CACNG2: variants seen among roughly 807,000 people sequenced by gnomAD.
The protein encoded by CACNG2 is voltage-dependent calcium channel gamma-2 subunit.
CACNG2 carries 3 observed loss-of-function variants against 25.9 expected under a neutral mutation model. The ratio of observed to expected loss-of-function variants is 0.12; its 90% CI spans 0.05 to 0.30. The LOEUF (loss-of-function observed/expected upper bound fraction) is 0.30. Ranked by LOEUF, CACNG2 falls within the 10% of genes least tolerant of loss-of-function variation. The probability of loss-of-function intolerance (pLI) is 1.00; values close to 1 mark genes in which losing one functional copy is unlikely to be tolerated. For missense variants in CACNG2, 341 were observed against 432.5 expected, an observed-to-expected ratio of 0.79 and a Z score of 1.88; for synonymous variants, 167 against 173.3, an observed-to-expected ratio of 0.96 and a Z score of 0.29.
chr22:36,620,145 C>G (rs1235429299), intron 1 of CACNG2, among the ~76,000 whole-genome samples: 1 of 152,238 alleles, frequency 6.6e-6, no homozygotes, highest in South Asian at 2.1e-4. Context: ...CTAATAGACT[C>G]TAGGAAATCC....
intron 2 of CACNG2, among the ~76,000 whole-genome samples, chr22:36,570,854 G>A (rs1935214122): frequency 6.6e-6 from 1 of 151,986 alleles, no homozygotes; most frequent in Admixed American, 6.6e-5. Context: ...AGATCCAGGT[G>A]GGAAGGAAGC....
At chr22:36,625,987 T>G (rs1220205439) in intron 1 of CACNG2, among the ~76,000 whole-genome samples, 1 of 152,168 alleles carries the variant, frequency 6.6e-6, no homozygotes, top group Non-Finnish European at 1.5e-5. Context: ...TGGCGAAATC[T>G]CGGCTCACTG....
At chr22:36,602,574 C>CG (rs371606313) in intron 1 of CACNG2, among the ~76,000 whole-genome samples, 8,273 of 152,052 alleles carry the variant, frequency 0.054, 619 homozygotes, top group African/African-American at 0.17. Flanking sequence ...TTAGTAGAGA[C>CG]GGGGTTTCGC....
rs1935080681 is a variant in CACNG2, at chr22:36,564,185, C to T, written c.*166G>A. 1 of 534,294 alleles carries T rather than the reference C, an allele frequency of 1.9e-6. No individual in the cohort carries two copies. Among genetic ancestry groups the T allele is most frequent in the Non-Finnish European group, 3.1e-6 (1 of 317,524 alleles). The allele number at this position is 534,294 out of a possible 1,614,324, so 33.1% of individuals were successfully genotyped here. A position where few individuals can be genotyped will look rare whatever the true frequency, so the allele number is the denominator to read the frequency against. On this transcript the variant is annotated 3_prime_UTR_variant, in exon 4 of 4. Transcript: ENST00000300105. The surrounding 1 kb of genome is among the most constrained non-coding windows in gnomAD (Gnocchi z 6.7). ...AAAATTTACTTGTTATGTTTTTTCTCTTTTTTTGTGTGTGTGTGTTTTTTT... is the reference window on the plus strand; with the variant it reads ...AAAATTTACTTGTTATGTTTTTTCTTTTTTTTTGTGTGTGTGTGTTTTTTT...
At chr22:36,572,522 C>G (rs936093838) in intron 2 of CACNG2, among the ~76,000 whole-genome samples, 1 of 151,974 alleles carries the variant, frequency 6.6e-6, no homozygotes, top group Non-Finnish European at 1.5e-5. Flanking sequence ...GCCAATATGG[C>G]GAAACCCCAT....
intron 1 of CACNG2, among the ~76,000 whole-genome samples, chr22:36,698,333 G>T (rs1450065209): frequency 6.6e-6 from 1 of 152,168 alleles, no homozygotes. Context: ...CCTAAAGAAA[G>T]TCAAATTATC....
chr22:36,655,811 CTT>C (rs376906326), intron 1 of CACNG2, among the ~76,000 whole-genome samples: 16 of 110,506 alleles, frequency 1.4e-4, no homozygotes, highest in Admixed American at 1.9e-4. Flanking sequence ...TTCTTTCTTT[CTT>C]TTTTTTTTTT....
intron 1 of CACNG2, among the ~76,000 whole-genome samples, chr22:36,657,322 A>T (rs185909700): frequency 1.3e-5 from 2 of 152,326 alleles, no homozygotes; most frequent in East Asian, 3.9e-4. Flanking sequence ...CAGTTCCACA[A>T]TGGATAGAAA....
rs564405205 is a variant in CACNG2 at position 36,572,423 on chromosome 22, T to G, written c.296-5930A>C. On this transcript the variant is annotated intron_variant, in intron 2 of 3. Transcript: ENST00000300105. ...ACAATATGTAAACAAATGAACGTGG[T>G]TGTCTTCCAATAAAACTTTATTTAC... is the stretch of plus-strand genomic sequence containing the variant. Among the ~76,000 whole-genome samples, 35 of 152,308 alleles carry G rather than the reference T, an allele frequency of 2.3e-4. No homozygotes were observed. The South Asian group carries it at 2.7e-3, about 12-fold the overall frequency.
In CACNG2 at chr22:36,702,744, G is replaced by T. The variant is rs1783974617; in HGVS notation, c.-168C>A. 2 of 587,606 alleles carry T rather than the reference G, an allele frequency of 3.4e-6. No individual in the cohort carries two copies. The highest frequency in any genetic ancestry group is 4.6e-5 in the South Asian group (2 of 43,252). 36.4% of individuals were successfully genotyped at this position (587,606 alleles called of 1,614,324 possible). A position where few individuals can be genotyped will look rare whatever the true frequency, so the allele number is the denominator to read the frequency against. On this transcript the variant is annotated 5_prime_UTR_variant, in exon 1 of 4. Coordinates refer to ENST00000300105, the MANE Select transcript of CACNG2 (RefSeq NM_006078.5). ...ATATGGAGAGTTATAAAAAAAGGGA[G>T]GTAAGAAAGCTCACGGAAAAGAGTG...
chr22:36,690,673 T>C (rs974924064), intron 1 of CACNG2, among the ~76,000 whole-genome samples: 8 of 152,190 alleles, frequency 5.3e-5, no homozygotes, highest in Non-Finnish European at 8.8e-5. Context: ...CAAGGGAACA[T>C]AGCTCATAAG....
chr22:36,575,740 G>A (rs530362141), intron 2 of CACNG2, among the ~76,000 whole-genome samples: 4 of 152,282 alleles, frequency 2.6e-5, no homozygotes, highest in Admixed American at 2.0e-4. Flanking sequence ...ATACAGCCAG[G>A]CCATGCTGCT....
In CACNG2 at chr22:36,645,889, G is replaced by A. The variant is rs569051988; in HGVS notation, c.211+56477C>T. Among the ~76,000 whole-genome samples, 6 of 152,264 alleles carry A rather than the reference G, an allele frequency of 3.9e-5. No individual in the cohort carries two copies. The East Asian group carries it at 1.2e-3, about 29-fold the overall frequency. ...TGTATCCAAACTTTAAAAGTCAAAT[G>A]CATATTTTAATATAAAATTACCTGC... On this transcript the variant is annotated intron_variant, in intron 1 of 3. Transcript: ENST00000300105.
intron 1 of CACNG2, among the ~76,000 whole-genome samples, chr22:36,635,021 C>T (rs534614243): frequency 3.3e-5 from 5 of 152,240 alleles, no homozygotes; most frequent in Non-Finnish European, 5.9e-5. Context: ...CAGTGGCTCA[C>T]GCCTGTAATC....
chr22:36,595,335 C>T (rs552094236), intron 1 of CACNG2, among the ~76,000 whole-genome samples: 4 of 152,184 alleles, frequency 2.6e-5, no homozygotes, highest in Non-Finnish European at 4.4e-5. Context: ...CTCGCCCCTG[C>T]TCAAGGGAGC....
intron 1 of CACNG2, among the ~76,000 whole-genome samples, chr22:36,701,537 T>A (rs1474882025): frequency 1.4e-4 from 6 of 43,336 alleles, no homozygotes; most frequent in South Asian, 1.4e-3. Context: ...CCCCATGCCC[T>A]CCCCTCCCTC....
In CACNG2 at chr22:36,563,125, TA is replaced by T. The variant is rs991168213; in HGVS notation, c.*1225del. On this transcript the variant is annotated 3_prime_UTR_variant, in exon 4 of 4. Transcript: ENST00000300105. ...TATTTATAGTCTGTGGTTTTTTTATTAAAAAAAAATCACCACTTGTTTTTCC... is the reference window on the plus strand; with the variant it reads ...TATTTATAGTCTGTGGTTTTTTTATTAAAAAAAATCACCACTTGTTTTTCC... Among the ~76,000 whole-genome samples, 20 of 151,614 alleles carry T rather than the reference TA, an allele frequency of 1.3e-4. No individual in the cohort carries two copies. Among genetic ancestry groups the T allele is most frequent in the South Asian group, 6.3e-4 (3 of 4,794 alleles).
chr22:36,688,539 CAA>C (rs35964599), intron 1 of CACNG2, among the ~76,000 whole-genome samples: 19 of 70,114 alleles, frequency 2.7e-4, no homozygotes, highest in East Asian at 7.4e-4. Flanking sequence ...GACCCTGTCT[CAA>C]AAAAAAAAAA....
chr22:36,693,016 T>G (rs992092566), intron 1 of CACNG2, among the ~76,000 whole-genome samples: 7 of 152,012 alleles, frequency 4.6e-5, no homozygotes, highest in Admixed American at 3.3e-4. Flanking sequence ...CATGGTGGTG[T>G]GCGCCTGTAA....
Sources: gnomAD v4.1 joint callset for allele counts (sites outside exome capture counted in the v4.1 genomes callset) on GRCh38, gnomAD v4.1.1 for gene constraint, Gnocchi (gnomAD v3.1) non-coding constraint, MANE v1.5 for transcripts, NCBI Gene and HGNC (gene_info 2026-07-23, HGNC 2026-07-21) for gene names.